GABRA4: variants seen among roughly 807,000 people sequenced by gnomAD.
GABRA4 encodes the protein gamma-aminobutyric acid receptor subunit alpha-4.
Under a neutral mutation model 49.7 loss-of-function variants are expected in GABRA4, and 12 were observed. That is an observed-to-expected ratio of 0.24 (90% CI 0.15 to 0.39). The LOEUF is 0.39. Ranked by LOEUF, GABRA4 falls within the 10% of genes least tolerant of loss-of-function variation. The probability of loss-of-function intolerance (pLI) is 1.00; values close to 1 mark genes in which losing one functional copy is unlikely to be tolerated. For synonymous variants in GABRA4, 288 were observed against 240.2 expected (o/e 1.20, Z -1.84); for missense variants, 506 against 686.0 (o/e 0.74, Z 2.93).
At chr4:46,950,291 C>T (rs1446369161) in intron 8 of GABRA4, among the ~76,000 whole-genome samples, 1 of 152,042 alleles carries the variant, frequency 6.6e-6, no homozygotes, top group African/African-American at 2.4e-5. Context: ...GATGTGCCCC[C>T]ATTAGGCCCA....
intron 7 of GABRA4, among the ~76,000 whole-genome samples, chr4:46,970,529 C>T (rs1418879920): frequency 1.3e-5 from 2 of 150,530 alleles, no homozygotes; most frequent in African/African-American, 4.9e-5. Context: ...TATATGAAGC[C>T]ACTATAAAAA....
chr4:46,967,317 A>T (rs1200118987), intron 7 of GABRA4, among the ~76,000 whole-genome samples: 3 of 151,642 alleles, frequency 2.0e-5, no homozygotes, highest in African/African-American at 7.3e-5. Flanking sequence ...CCCAAATTCA[A>T]ATACAAGCAA....
Position 46,963,794 on chromosome 4 carries a change from G to A in GABRA4, c.1134+1176C>T, listed in dbSNP as rs190579084. 1.4e-4 allele frequency among the ~76,000 whole-genome samples: 22 copies of A among 151,772 alleles called. 1 individual carries two copies. Among genetic ancestry groups the A allele is most frequent in the African/African-American group, 5.3e-4 (22 of 41,504 alleles). On this transcript the variant is annotated intron_variant, in intron 8 of 8. Coordinates refer to ENST00000264318, the MANE Select transcript of GABRA4 (RefSeq NM_000809.4). The stretch of plus-strand genomic sequence containing the variant: ...AGGTAAAATAGCTTATATCCAAAAG[G>A]CAGGCAATAGCAAACACTGGAGATA...
Position 46,927,684 on chromosome 4 carries a change from T to C in GABRA4, c.*541A>G, listed in dbSNP as rs998111251. ...CTCTGGTCTTTGTCTTAGTTTTTTA[T>C]GCAGCAGATATTTTACTCTATTGAT... On this transcript the variant is annotated 3_prime_UTR_variant, in exon 9 of 9. Transcript: ENST00000264318. 1.3e-5 allele frequency: 2 copies of C among 152,442 alleles called. No individual in the cohort carries two copies. The highest frequency in any genetic ancestry group is 2.1e-4 in the South Asian group (1 of 4,832). 9.4% of individuals were successfully genotyped at this position (152,442 alleles called of 1,614,324 possible). A position where few individuals can be genotyped will look rare whatever the true frequency, so the allele number is the denominator to read the frequency against.
At chr4:46,961,743 T>C (rs1022358784) in intron 8 of GABRA4, among the ~76,000 whole-genome samples, 3 of 151,834 alleles carry the variant, frequency 2.0e-5, no homozygotes, top group Admixed American at 1.3e-4. Flanking sequence ...TGTATTTAAG[T>C]GACCACAGGC....
intron 8 of GABRA4, among the ~76,000 whole-genome samples, chr4:46,952,077 G>A (rs1161401489): frequency 1.3e-5 from 2 of 152,024 alleles, no homozygotes; most frequent in African/African-American, 4.8e-5. Context: ...TGAGAGAGAA[G>A]AAAAATTTAG....
rs1294933473 is a variant in GABRA4, at chr4:46,921,973, G to T, written c.*6252C>A. 6.6e-6 allele frequency: 1 copy of T among 151,996 alleles called. No homozygotes were observed. The highest frequency in any genetic ancestry group is 2.4e-5 in the African/African-American group (1 of 41,396). The allele number at this position is 151,996 out of a possible 1,614,324, so 9.4% of individuals were successfully genotyped here. On this transcript the variant is annotated 3_prime_UTR_variant, in exon 9 of 9. Transcript: ENST00000264318. ...TCCTGCGATGTTTCAAACAAAGATG[G>T]TTTGTTTGAAACCTCTGTAAGATAG...
At chr4:46,970,638 G>A (rs776893186) in intron 7 of GABRA4, among the ~76,000 whole-genome samples, 5 of 151,434 alleles carry the variant, frequency 3.3e-5, no homozygotes, top group African/African-American at 4.8e-5. Context: ...CATTTAAACC[G>A]TTTGCATTTT....
rs200743268 is a variant in GABRA4, at chr4:46,993,321, G to A, written c.86+18C>T. 7.9e-5 allele frequency: 127 copies of A among 1,609,652 alleles called. No individual in the cohort carries two copies. In the African/African-American group the frequency reaches 1.2e-3, roughly 16 times the overall value. ...TCCACTTTCCGTTGCCCACCTCCTC[G>A]CACCCCAGAGAACTCACCAAACCGC... On this transcript the variant is annotated intron_variant, in intron 1 of 8. Coordinates refer to ENST00000264318, the MANE Select transcript of GABRA4 (RefSeq NM_000809.4).
rs907141797 is a variant in GABRA4, at chr4:46,921,441, T to C, written c.*6784A>G. 2.6e-5 allele frequency: 4 copies of C among 151,984 alleles called. No individual in the cohort carries two copies. Among genetic ancestry groups the C allele is most frequent in the African/African-American group, 9.7e-5 (4 of 41,438 alleles). The allele number at this position is 151,984 out of a possible 1,614,324, so 9.4% of individuals were successfully genotyped here. On this transcript the variant is annotated 3_prime_UTR_variant, in exon 9 of 9. Transcript: ENST00000264318. ...AACTCTGGGATTCCCCTATAGAAAC[T>C]AAAGAAGCTTGCAGAAATACTACCA...
chr4:46,965,067 A>G lies in GABRA4; in HGVS notation c.1037T>C (p.Ile346Thr). Residue 346 changes from isoleucine (I) to threonine (T), a missense_variant, in exon 8 of 9, where the codon ATT (isoleucine) becomes ACT (threonine). By Grantham distance (89) the Ile-to-Thr change is moderately conservative. Transcript: ENST00000264318. ...EFAAVNYFTN[I>T]QMEKAKRKTS... is the part of the protein sequence containing the mutation. ...CTTCCTTTTGGCTTTTTCCATTTGA[A>G]TATTGGTGAAATAGTTGACAGCAGC... is the stretch of plus-strand genomic sequence containing the variant. 2 of 1,612,118 alleles carry G rather than the reference A, an allele frequency of 1.2e-6. No homozygotes were observed. Among genetic ancestry groups the G allele is most frequent in the Non-Finnish European group, 1.7e-6 (2 of 1,178,832 alleles).
rs766796222 is a variant in GABRA4 at position 46,928,192 on chromosome 4, A to T, written c.*33T>A. 5.3e-6 allele frequency: 8 copies of T among 1,496,664 alleles called. No individual in the cohort carries two copies. Among genetic ancestry groups the T allele is most frequent in the Non-Finnish European group, 6.3e-6 (7 of 1,110,300 alleles). 92.7% of individuals were successfully genotyped at this position (1,496,664 alleles called of 1,614,324 possible). ...ATTTAAAAAGACATTCTGCATTTTC[A>T]TCATCTTTTAGCAAACTACTATAGC... On this transcript the variant is annotated 3_prime_UTR_variant, in exon 9 of 9. Coordinates refer to ENST00000264318, the MANE Select transcript of GABRA4 (RefSeq NM_000809.4).
At chr4:46,940,680 C>G (rs1024060130) in intron 8 of GABRA4, among the ~76,000 whole-genome samples, 3 of 152,066 alleles carry the variant, frequency 2.0e-5, no homozygotes, top group Admixed American at 2.0e-4. Context: ...AACTCAAGTT[C>G]TACTGTGACA....
At chr4:46,992,078 T>G (rs1296833391) in intron 2 of GABRA4, among the ~76,000 whole-genome samples, 2 of 152,212 alleles carry the variant, frequency 1.3e-5, no homozygotes, top group Non-Finnish European at 2.9e-5. Context: ...ATCTTAATAT[T>G]TCTGTGGACC....
Position 46,928,045 on chromosome 4 carries a change from A to G in GABRA4, c.*180T>C. ...TTTAAAATAATTTTTCTGAAAAAAA[A>G]CATAGTTCACTTTTTCACTCAGGAA... On this transcript the variant is annotated 3_prime_UTR_variant, in exon 9 of 9. Coordinates refer to ENST00000264318, the MANE Select transcript of GABRA4 (RefSeq NM_000809.4). 1.8e-6 allele frequency: 1 copy of G among 547,296 alleles called. No individual in the cohort carries two copies. The highest frequency in any genetic ancestry group is 3.0e-5 in the South Asian group (1 of 33,108). The allele number at this position is 547,296 out of a possible 1,614,324, so 33.9% of individuals were successfully genotyped here. A position where few individuals can be genotyped will look rare whatever the true frequency, so the allele number is the denominator to read the frequency against.
intron 8 of GABRA4, among the ~76,000 whole-genome samples, chr4:46,952,954 T>C (rs1206460375): frequency 6.6e-6 from 1 of 152,150 alleles, no homozygotes; most frequent in Non-Finnish European, 1.5e-5. Flanking sequence ...ACCATGTCTA[T>C]ATCTCAGTTA....
intron 2 of GABRA4, among the ~76,000 whole-genome samples, chr4:46,990,942 G>A (rs1187705966): frequency 6.6e-6 from 1 of 152,310 alleles, no homozygotes; most frequent in Middle Eastern, 3.4e-3. Context: ...ACTTTGGGAG[G>A]CCAAGAAGGG....
rs1553903644 is a variant in GABRA4 at position 46,950,737 on chromosome 4, A to AATTAATTAATTAATTAATT, written c.1134+14232_1134+14233insAATTAATTAATTAATTAAT. 5.6e-5 allele frequency among the ~76,000 whole-genome samples: 7 copies of AATTAATTAATTAATTAATT among 125,280 alleles called. No homozygotes were observed. The South Asian group carries it at 1.7e-3, about 31-fold the overall frequency. The allele number at this position is 125,280 out of a possible 152,430, so 82.2% of individuals were successfully genotyped here. ...TAAGAAAATAAATAAATAAATAAAT[A>AATTAATTAATTAATTAATT]AATAAATAAATTACTATATGCTTGT... is the stretch of plus-strand genomic sequence containing the variant. On this transcript the variant is annotated intron_variant, in intron 8 of 8. Transcript: ENST00000264318.
chr4:46,947,739 G>A (rs1271331720), intron 8 of GABRA4, among the ~76,000 whole-genome samples: 1 of 152,032 alleles, frequency 6.6e-6, no homozygotes, highest in Non-Finnish European at 1.5e-5. Context: ...GTCATTATTT[G>A]AACTTGGTTG....
Sources: gnomAD v4.1 joint callset for allele counts (sites outside exome capture counted in the v4.1 genomes callset) on GRCh38, gnomAD v4.1.1 for gene constraint, MANE v1.5 for transcripts, NCBI Gene and HGNC (gene_info 2026-07-23, HGNC 2026-07-21) for gene names.